ANKS1A: variants seen among roughly 807,000 people sequenced by gnomAD.
The protein encoded by ANKS1A is ankyrin repeat and sterile alpha motif domain containing 1A.
A neutral mutation model predicts 120.3 loss-of-function variants in ANKS1A; 55 were observed. The observed-to-expected ratio is 0.46, with a 90% CI of 0.37 to 0.57. The LOEUF (loss-of-function observed/expected upper bound fraction) is 0.57. Ranked by LOEUF, ANKS1A falls within the 20% of genes least tolerant of loss-of-function variation. ANKS1A has a pLI of 0.00. For synonymous variants in ANKS1A, 590 were observed against 604.7 expected (o/e 0.98, Z 0.36); for missense variants, 1,123 against 1,480.3 (o/e 0.76, Z 3.96).
At chr6:35,095,882 A>G (rs907085176), downstream of ANKS1A, among the ~76,000 whole-genome samples, 16 of 152,188 alleles carry the variant, frequency 1.1e-4, no homozygotes, top group Admixed American at 9.8e-4. Flanking sequence ...ATTATCTCAA[A>G]ACAATTATGT....
In ANKS1A at chr6:34,901,496, C is replaced by T. The variant is rs895704639; in HGVS notation, c.197+11897C>T. On this transcript the variant is annotated intron_variant, in intron 1 of 23. Coordinates refer to ENST00000360359, the MANE Select transcript of ANKS1A (RefSeq NM_015245.3). ...GTTAAATGACTGGCTTAGAACTGGG[C>T]TGAGGTGGGGTTTTTTTTGTTGTTT... Among the ~76,000 whole-genome samples the T allele has an allele frequency of 2.0e-5, 3 of 152,042 alleles. 1 individual carries two copies. Among genetic ancestry groups the T allele is most frequent in the Non-Finnish European group, 4.4e-5 (3 of 68,012 alleles).
At chr6:35,040,644 T>G (rs1175559208) in intron 11 of ANKS1A, among the ~76,000 whole-genome samples, 1 of 152,214 alleles carries the variant, frequency 6.6e-6, no homozygotes, top group Non-Finnish European at 1.5e-5. Flanking sequence ...AAGGCTCTTA[T>G]TGATCATTTC....
intron 1 of ANKS1A, among the ~76,000 whole-genome samples, chr6:34,894,274 TCC>T (rs1766966330): frequency 6.6e-6 from 1 of 152,200 alleles, no homozygotes; most frequent in Admixed American, 6.5e-5. Context: ...AGAAAGAAAC[TCC>T]TGTATAAGAA....
At chr6:35,075,115 A>G (rs181423946) in intron 13 of ANKS1A, among the ~76,000 whole-genome samples, 2 of 152,374 alleles carry the variant, frequency 1.3e-5, no homozygotes, top group Admixed American at 1.3e-4. Flanking sequence ...CAGGGCAAAA[A>G]TAAGGTTGGA....
chr6:35,009,629 G>A (rs1445696196), intron 10 of ANKS1A, among the ~76,000 whole-genome samples: 1 of 152,038 alleles, frequency 6.6e-6, no homozygotes, highest in Non-Finnish European at 1.5e-5. Flanking sequence ...CAGGCTGGGC[G>A]CGGTGGATCT....
At chr6:35,025,151 A>G (rs767447354) in intron 11 of ANKS1A, among the ~76,000 whole-genome samples, 5 of 151,998 alleles carry the variant, frequency 3.3e-5, no homozygotes, top group Non-Finnish European at 7.4e-5. Flanking sequence ...ATTTGTTCAT[A>G]TTTTTAAAAT....
chr6:34,937,824 T>C (rs1769334779), intron 1 of ANKS1A, among the ~76,000 whole-genome samples: 1 of 152,168 alleles, frequency 6.6e-6, no homozygotes, highest in Admixed American at 6.5e-5. Context: ...TTAGGAGAAT[T>C]AATCTACAGT....
intron 10 of ANKS1A, among the ~76,000 whole-genome samples, chr6:34,998,486 G>A (rs1302353453): frequency 1.3e-5 from 2 of 152,106 alleles, no homozygotes; most frequent in African/African-American, 2.4e-5. Flanking sequence ...CCGAAACCAG[G>A]CCTGGGCCTG....
At chr6:35,001,458 T>C (rs758468318) in intron 10 of ANKS1A, among the ~76,000 whole-genome samples, 1 of 152,202 alleles carries the variant, frequency 6.6e-6, no homozygotes, top group African/African-American at 2.4e-5. Context: ...GTCAGCTCCA[T>C]GGTAGCTCTT....
chr6:35,002,525 G>A (rs565249665), intron 10 of ANKS1A, among the ~76,000 whole-genome samples: 2 of 152,140 alleles, frequency 1.3e-5, no homozygotes, highest in Non-Finnish European at 2.9e-5. Context: ...GATAGCTACA[G>A]TCCTATTATT....
chr6:34,968,668 C>T (rs1771017407), intron 2 of ANKS1A, among the ~76,000 whole-genome samples: 1 of 152,106 alleles, frequency 6.6e-6, no homozygotes, highest in South Asian at 2.1e-4. Flanking sequence ...AAACTCCTGA[C>T]CTCAGGTGAT....
chr6:34,904,621 A>G (rs1015046731), intron 1 of ANKS1A, among the ~76,000 whole-genome samples: 35 of 152,246 alleles, frequency 2.3e-4, no homozygotes, highest in African/African-American at 7.9e-4. Context: ...AGTCCCAGCT[A>G]CTTGGGAGGC....
At chr6:35,022,477 A>G (rs1285419448) in intron 11 of ANKS1A, among the ~76,000 whole-genome samples, 1 of 152,212 alleles carries the variant, frequency 6.6e-6, no homozygotes, top group Non-Finnish European at 1.5e-5. Flanking sequence ...CTCTGTGATC[A>G]TATCTGTTAA....
chr6:35,081,071 G>A lies in ANKS1A; in HGVS notation c.2622G>A (p.Leu874=). The A allele has an allele frequency of 6.2e-7, 1 of 1,613,962 alleles. No homozygotes were observed. The highest frequency in any genetic ancestry group is 8.5e-7 in the Non-Finnish European group (1 of 1,179,980). Reference sequence around the variant, plus strand: ...GCACTGGGCGGTCGGCAGATCTGCTGCTGCCTCCAGGGGACACAGGCAGGA... The same window carrying A: ...GCACTGGGCGGTCGGCAGATCTGCTACTGCCTCCAGGGGACACAGGCAGGA... ...DSCTGRSADL[L]LPPGDTGRRR... Residue 874 remains leucine (L), a synonymous_variant, in exon 17 of 24, where the codon CTG becomes CTA. Transcript: ENST00000360359.
downstream of ANKS1A, among the ~76,000 whole-genome samples, chr6:35,093,946 C>T (rs1473869728): frequency 6.6e-6 from 1 of 152,198 alleles, no homozygotes; most frequent in Non-Finnish European, 1.5e-5. Context: ...AGACAGAACG[C>T]TCACCAGCGC....
At position 35,091,222 on chromosome 6, in the gene ANKS1A, A is replaced by ATT. The variant is rs754441141; in HGVS notation, c.*2616_*2617dup. The ATT allele has an allele frequency of 9.9e-4, 975 of 985,822 alleles. 1 individual carries two copies. Among genetic ancestry groups the ATT allele is most frequent in the Non-Finnish European group, 1.1e-3 (933 of 829,924 alleles). 61.1% of individuals were successfully genotyped at this position (985,822 alleles called of 1,614,324 possible). ...GTATATAAAATTGTTAATCTGTCTG[A>ATT]TTTTGTCTGAATTATAAACACTTTG... On this transcript the variant is annotated 3_prime_UTR_variant, in exon 24 of 24. Coordinates refer to ENST00000360359, the MANE Select transcript of ANKS1A (RefSeq NM_015245.3).
At position 34,981,885 on chromosome 6, in the gene ANKS1A, T is replaced by C. The variant is rs752865079; in HGVS notation, c.631T>C (p.Cys211Arg). The change falls in exon 4 of 24, where the codon TGC becomes CGC. Residue 211 changes from cysteine (C) to arginine (R), a missense_variant. By Grantham distance (180) the Cys-to-Arg change is radical (BLOSUM62 -3). Transcript: ENST00000360359. Reference sequence around the variant, plus strand: ...TAATGCACACCCCAACCTCCTGAGCTGCAACACTAAGAAGCACACCCCTCT... The same window carrying C: ...TAATGCACACCCCAACCTCCTGAGCCGCAACACTAAGAAGCACACCCCTCT... Reference protein sequence around the residue: ...LLNAHPNLLSCNTKKHTPLHL... With the variant: ...LLNAHPNLLSRNTKKHTPLHL... The C allele has an allele frequency of 1.7e-5, 27 of 1,613,990 alleles. No individual in the cohort carries two copies. Among genetic ancestry groups the C allele is most frequent in the Non-Finnish European group, 2.3e-5 (27 of 1,180,022 alleles).
chr6:35,053,452 C>T (rs1484031591), intron 11 of ANKS1A, among the ~76,000 whole-genome samples: 1 of 152,218 alleles, frequency 6.6e-6, no homozygotes, highest in East Asian at 1.9e-4. Flanking sequence ...GTCTGTGCCC[C>T]GTCTCATCTC....
intron 1 of ANKS1A, among the ~76,000 whole-genome samples, chr6:34,893,100 C>T (rs1266278143): frequency 6.6e-6 from 1 of 152,150 alleles, no homozygotes; most frequent in African/African-American, 2.4e-5. Flanking sequence ...TTCAAGTTAA[C>T]CACTTTGATA....
Sources: gnomAD v4.1 joint callset for allele counts (sites outside exome capture counted in the v4.1 genomes callset) on GRCh38, gnomAD v4.1.1 for gene constraint, MANE v1.5 for transcripts, NCBI Gene and HGNC (gene_info 2026-07-23, HGNC 2026-07-21) for gene names.